Variants in FAM167A observed in about 807,000 individuals in gnomAD.
FAM167A encodes protein FAM167A.
Under a neutral mutation model 14.9 loss-of-function variants are expected in FAM167A, and 23 were observed. The ratio of observed to expected loss-of-function variants is 1.55; its 90% CI spans 1.11 to 2.19. The LOEUF (loss-of-function observed/expected upper bound fraction) is 2.19. Among genes scored for constraint, FAM167A ranks in the 30% most tolerant of loss-of-function variants. The probability of loss-of-function intolerance (pLI) is 0.00; values close to 1 mark genes in which losing one functional copy is unlikely to be tolerated. For synonymous variants in FAM167A, 174 were observed against 117.7 expected, an observed-to-expected ratio of 1.48 and a Z score of -3.10; for missense variants, 401 against 281.5, an observed-to-expected ratio of 1.42 and a Z score of -3.04.
intron 1 of FAM167A, chr8:11,445,133 G>A: frequency 1.0e-6 from 1 of 985,082 alleles, no homozygotes; most frequent in Non-Finnish European, 1.2e-6. Context: ...TATCCTAGAA[G>A]TTAAATGACT....
At chr8:11,437,198 A>C (rs1188731824) in intron 2 of FAM167A, among the ~76,000 whole-genome samples, 1 of 152,172 alleles carries the variant, frequency 6.6e-6, no homozygotes, top group Non-Finnish European at 1.5e-5. Context: ...GGCAGATCTG[A>C]GTTCAAATTC....
intron 2 of FAM167A, among the ~76,000 whole-genome samples, chr8:11,433,330 C>T (rs1012952709): frequency 9.2e-5 from 14 of 152,194 alleles, no homozygotes; most frequent in South Asian, 4.1e-4. Flanking sequence ...AGGCAATGCA[C>T]GGACCACCAG....
chr8:11,444,280 G>T lies in FAM167A; in HGVS notation c.132C>A (p.Pro44=), dbSNP rs1429585956. The change falls in exon 2 of 3, where the codon CCC becomes CCA. Residue 44 remains proline, a synonymous_variant. Coordinates refer to ENST00000284486, the MANE Select transcript of FAM167A (RefSeq NM_053279.3). ...TEKLRLETRR[P]SYLEWQARLE... ...GCCTGGCCTGCCATTCCAGGTAGGA[G>T]GGCCTGCGGGTCTCCAGCCTCAGTT... 29 of 1,611,344 alleles carry T rather than the reference G, an allele frequency of 1.8e-5. No homozygotes were observed. The highest frequency in any genetic ancestry group is 2.3e-5 in the Non-Finnish European group (27 of 1,179,432).
At chr8:11,469,417 T>C (rs943886261), upstream of FAM167A, among the ~76,000 whole-genome samples, 3 of 152,188 alleles carry the variant, frequency 2.0e-5, no homozygotes, top group African/African-American at 7.2e-5. Context: ...AACCCAGTGA[T>C]GGTGGGAGGA....
rs530806841 is a variant in FAM167A at position 11,426,752 on chromosome 8, T to C, written c.382-2116A>G. ...GGGTCTTTGATCAGCCTTTGGTTGATCAGTCTTTGATCAACCGAATACACA... is the reference window on the plus strand; with the variant it reads ...GGGTCTTTGATCAGCCTTTGGTTGACCAGTCTTTGATCAACCGAATACACA... On this transcript the variant is annotated intron_variant, in intron 2 of 2. Coordinates refer to ENST00000284486, the MANE Select transcript of FAM167A (RefSeq NM_053279.3). 2.5e-4 allele frequency among the ~76,000 whole-genome samples: 38 copies of C among 152,300 alleles called. 1 individual carries two copies. In the Middle Eastern group the frequency reaches 0.01, roughly 41 times the overall value.
chr8:11,452,166 T>C (rs1358956332), intron 1 of FAM167A, among the ~76,000 whole-genome samples: 1 of 152,234 alleles, frequency 6.6e-6, no homozygotes, highest in African/African-American at 2.4e-5. Context: ...GTCCTCCTAA[T>C]GAAATCTTAC....
At chr8:11,466,196 G>A (rs1807757725) in intron 1 of FAM167A, among the ~76,000 whole-genome samples, 1 of 152,160 alleles carries the variant, frequency 6.6e-6, no homozygotes, top group African/African-American at 2.4e-5. Flanking sequence ...GTTAGGGACC[G>A]CATCCGTGGG....
intron 2 of FAM167A, among the ~76,000 whole-genome samples, chr8:11,432,300 A>G (rs1297913025): frequency 2.6e-5 from 4 of 152,242 alleles, no homozygotes; most frequent in East Asian, 1.9e-4. Context: ...ACAGAATGGG[A>G]GAAAATTTTT....
intron 2 of FAM167A, among the ~76,000 whole-genome samples, chr8:11,429,723 G>T (rs1805443858): frequency 6.6e-6 from 1 of 152,148 alleles, no homozygotes; most frequent in Non-Finnish European, 1.5e-5. Flanking sequence ...CTGGGCCCAG[G>T]GGTGGCAGAA....
chr8:11,434,735 C>A, intron 2 of FAM167A: 1 of 260,632 alleles, frequency 3.8e-6, no homozygotes, highest in Non-Finnish European at 7.6e-6. Context: ...GGGTTCCAGT[C>A]CTAGTGCAGC....
At chr8:11,452,830 G>C (rs568603704) in intron 1 of FAM167A, among the ~76,000 whole-genome samples, 1 of 152,310 alleles carries the variant, frequency 6.6e-6, no homozygotes, top group African/African-American at 2.4e-5. Context: ...TGCCAGCACG[G>C]GCTGAGCAAT....
chr8:11,462,077 G>C (rs1807561863), intron 1 of FAM167A, among the ~76,000 whole-genome samples: 1 of 152,234 alleles, frequency 6.6e-6, no homozygotes, highest in Admixed American at 6.5e-5. Context: ...GGGACATATG[G>C]CCTGAGTGCC....
intron 1 of FAM167A, among the ~76,000 whole-genome samples, chr8:11,460,689 G>A (rs989076338): frequency 4.6e-5 from 7 of 152,136 alleles, no homozygotes; most frequent in Admixed American, 2.6e-4. Context: ...CTGGGCTAGG[G>A]AGGCCTTCCT....
chr8:11,431,825 G>C (rs1805611328), intron 2 of FAM167A, among the ~76,000 whole-genome samples: 1 of 147,858 alleles, frequency 6.8e-6, no homozygotes, highest in Admixed American at 6.8e-5. Flanking sequence ...TAGTCTGGGA[G>C]GTAGAAGGGC....
chr8:11,421,649 C>G lies in FAM167A; in HGVS notation c.*2724G>C, dbSNP rs760023170. The G allele has an allele frequency of 1.5e-5, 6 of 398,718 alleles. No homozygotes were observed. Among genetic ancestry groups the G allele is most frequent in the Non-Finnish European group, 2.2e-5 (5 of 226,060 alleles). The allele number at this position is 398,718 out of a possible 1,614,324, so 24.7% of individuals were successfully genotyped here. ...TTGAACTCGGTCAGGCATCGTCAAG[C>G]CTGCCCAGGCCCTCCAGGCCTCTTT... On this transcript the variant is annotated 3_prime_UTR_variant, in exon 3 of 3. Coordinates refer to ENST00000284486, the MANE Select transcript of FAM167A (RefSeq NM_053279.3).
At chr8:11,475,413 A>C (rs551996034) in intron 1 of FAM167A, among the ~76,000 whole-genome samples, 117 of 151,586 alleles carry the variant, frequency 7.7e-4, no homozygotes, top group Non-Finnish European at 1.3e-3. Flanking sequence ...ACCTCACCCC[A>C]CCCCCAGCTG....
intron 2 of FAM167A, among the ~76,000 whole-genome samples, chr8:11,427,360 C>T (rs1167584740): frequency 6.6e-6 from 1 of 152,186 alleles, no homozygotes. Flanking sequence ...CTGTAAGCAG[C>T]ACTTTGTCAC....
chr8:11,443,643 T>C, intron 2 of FAM167A: 1 of 193,314 alleles, frequency 5.2e-6, no homozygotes, highest in South Asian at 9.4e-5. Context: ...GTCCCCGGAG[T>C]GGCAGGCAGC....
intron 1 of FAM167A, among the ~76,000 whole-genome samples, chr8:11,448,586 C>T (rs1020917726): frequency 1.3e-5 from 2 of 152,204 alleles, no homozygotes. Flanking sequence ...TCCCTGGACA[C>T]CAAACGACAC....
Sources: allele counts gnomAD v4.1 joint callset (sites outside exome capture counted in the v4.1 genomes callset), GRCh38; gene constraint gnomAD v4.1.1; transcripts MANE v1.5; gene names NCBI Gene and HGNC (gene_info 2026-07-23, HGNC 2026-07-21).